NELL1: variants seen among roughly 807,000 people sequenced by gnomAD.
NELL1 encodes the protein neural EGFL like 1.
NELL1 carries 76 observed loss-of-function variants against 107.4 expected under a neutral mutation model. The observed-to-expected ratio is 0.71, with a 90% CI of 0.59 to 0.86. The LOEUF is 0.86. NELL1 is among the 40% of genes least tolerant of loss of function. The probability of loss-of-function intolerance (pLI) is 0.00; values close to 1 mark genes in which losing one functional copy is unlikely to be tolerated. For synonymous variants in NELL1, 353 were observed against 341.2 expected (o/e 1.03, Z -0.38); for missense variants, 1,024 against 1,005.5 (o/e 1.02, Z -0.25).
At chr11:21,146,258 T>G (rs1444611084) in intron 13 of NELL1, among the ~76,000 whole-genome samples, 2 of 144,166 alleles carry the variant, frequency 1.4e-5, no homozygotes, top group East Asian at 4.0e-4. Flanking sequence ...CCTGAATAGT[T>G]AAAAAAAAAA....
At position 20,745,030 on chromosome 11, in the gene NELL1, AC is replaced by A. The variant is rs1855972618; in HGVS notation, c.185-38647del. Reference sequence around the variant, plus strand: ...GAAGAAGCCTTCTCTCTACCACATTACCCTATTTTATCTTTTCCATCACCCT... The same window carrying A: ...GAAGAAGCCTTCTCTCTACCACATTACCTATTTTATCTTTTCCATCACCCT... On this transcript the variant is annotated intron_variant, in intron 2 of 19. Coordinates refer to ENST00000357134, the MANE Select transcript of NELL1 (RefSeq NM_006157.5). Among the ~76,000 whole-genome samples the A allele has an allele frequency of 3.3e-5, 5 of 152,072 alleles. No individual in the cohort carries two copies. In the South Asian group the frequency reaches 1.0e-3, roughly 32 times the overall value.
At chr11:21,574,826 T>A (rs1377736234) in intron 19 of NELL1, 146 bp from the exon 20 acceptor site, 1 of 650,422 alleles carries the variant, frequency 1.5e-6, no homozygotes, top group Non-Finnish European at 2.7e-6. Context: ...TCTAGTTTTT[T>A]TCCTAGCATT....
At chr11:20,892,741 C>T (rs1849642518) in intron 5 of NELL1, among the ~76,000 whole-genome samples, 1 of 152,114 alleles carries the variant, frequency 6.6e-6, no homozygotes. Context: ...CCAGCCTGAC[C>T]AACATGGTGA....
intron 14 of NELL1, among the ~76,000 whole-genome samples, chr11:21,289,483 G>C (rs1223970409): frequency 6.6e-6 from 1 of 152,218 alleles, no homozygotes; most frequent in Non-Finnish European, 1.5e-5. Context: ...TTCTGACCCA[G>C]ATACTATGCT....
intron 12 of NELL1, among the ~76,000 whole-genome samples, chr11:21,098,326 C>A (rs1001534543): frequency 6.6e-6 from 1 of 152,176 alleles, no homozygotes; most frequent in African/African-American, 2.4e-5. Flanking sequence ...CAGTTCCATG[C>A]ATATTTCGTA....
At chr11:20,981,344 G>C (rs992793833) in intron 12 of NELL1, among the ~76,000 whole-genome samples, 1 of 152,040 alleles carries the variant, frequency 6.6e-6, no homozygotes. Flanking sequence ...TAAGTCTGTT[G>C]GTATCTCAGG....
intron 12 of NELL1, among the ~76,000 whole-genome samples, chr11:20,980,270 AT>A (rs1308814969): frequency 6.6e-6 from 1 of 152,166 alleles, no homozygotes; most frequent in Non-Finnish European, 1.5e-5. Flanking sequence ...TACGTATATT[AT>A]TTTATTTAAT....
intron 2 of NELL1, among the ~76,000 whole-genome samples, chr11:20,692,625 G>C (rs960070751): frequency 4.6e-5 from 7 of 150,992 alleles, no homozygotes; most frequent in African/African-American, 1.7e-4. Flanking sequence ...CTGAGTTCTA[G>C]TTTGATTACA....
chr11:20,685,506 T>A (rs976736494), intron 2 of NELL1, among the ~76,000 whole-genome samples: 3 of 152,052 alleles, frequency 2.0e-5, no homozygotes, highest in African/African-American at 7.2e-5. Context: ...TCCTGTACTT[T>A]AAGGTTAATG....
At chr11:21,152,106 A>T (rs1179732628) in intron 13 of NELL1, among the ~76,000 whole-genome samples, 1 of 152,214 alleles carries the variant, frequency 6.6e-6, no homozygotes, top group Non-Finnish European at 1.5e-5. Flanking sequence ...TGGACAAATC[A>T]ACTTCTAATG....
intron 13 of NELL1, among the ~76,000 whole-genome samples, chr11:21,144,265 C>T (rs776497451): frequency 2.6e-5 from 4 of 152,140 alleles, no homozygotes; most frequent in African/African-American, 7.2e-5. Flanking sequence ...TATGGAACAC[C>T]TTAGGACAAG....
chr11:21,107,121 A>T (rs996811108), intron 12 of NELL1, among the ~76,000 whole-genome samples: 1 of 152,226 alleles, frequency 6.6e-6, no homozygotes, highest in Non-Finnish European at 1.5e-5. Context: ...CATTTGTTAC[A>T]ATTGATGGAC....
intron 12 of NELL1, among the ~76,000 whole-genome samples, chr11:20,972,784 T>G (rs970622355): frequency 1.3e-5 from 2 of 152,180 alleles, no homozygotes; most frequent in African/African-American, 4.8e-5. Context: ...TTTGTATTTC[T>G]GAAAAATCTT....
chr11:21,152,696 C>T lies in NELL1; in HGVS notation c.1426+38982C>T, dbSNP rs547167343. ...AGATGGTCTTTAAAATGAGAATTCC[C>T]TCATATGAGTTTCTTTTTAATTAAA... On this transcript the variant is annotated intron_variant, in intron 13 of 19. Coordinates refer to ENST00000357134, the MANE Select transcript of NELL1 (RefSeq NM_006157.5). 4.8e-4 allele frequency among the ~76,000 whole-genome samples: 73 copies of T among 152,190 alleles called. 1 individual carries two copies. The highest frequency in any genetic ancestry group is 1.7e-3 in the African/African-American group (70 of 41,534).
chr11:21,287,870 C>G (rs1849159695), intron 14 of NELL1, among the ~76,000 whole-genome samples: 1 of 151,938 alleles, frequency 6.6e-6, no homozygotes, highest in Non-Finnish European at 1.5e-5. Flanking sequence ...CCCTCGTTAA[C>G]TTTACTGTAC....
chr11:20,940,864 G>A lies in NELL1; in HGVS notation c.1071+3005G>A, dbSNP rs565882666. ...TAAAAATACCCACCTCCAGCCAGGC[G>A]TGGTGGCTTATGCCTGTAATCCCAG... is the stretch of plus-strand genomic sequence containing the variant. On this transcript the variant is annotated intron_variant, in intron 10 of 19. Coordinates refer to ENST00000357134, the MANE Select transcript of NELL1 (RefSeq NM_006157.5). Among the ~76,000 whole-genome samples, 99 of 152,180 alleles carry A rather than the reference G, an allele frequency of 6.5e-4. 1 individual carries two copies. Among genetic ancestry groups the A allele is most frequent in the Non-Finnish European group, 1.2e-3 (82 of 68,002 alleles).
At chr11:20,700,043 C>CATTT (rs34323228) in intron 2 of NELL1, among the ~76,000 whole-genome samples, 25 of 151,890 alleles carry the variant, frequency 1.6e-4, no homozygotes, top group Non-Finnish European at 2.1e-4. Flanking sequence ...GGACGTAGAA[C>CATTT]TTTTTTTTTA....
intron 4 of NELL1, among the ~76,000 whole-genome samples, chr11:20,883,958 A>T (rs1849456924): frequency 6.6e-6 from 1 of 152,238 alleles, no homozygotes; most frequent in African/African-American, 2.4e-5. Context: ...CTAAGATACA[A>T]AAAAGGTTAG....
At chr11:20,736,411 C>T (rs911099905) in intron 2 of NELL1, among the ~76,000 whole-genome samples, 6 of 152,088 alleles carry the variant, frequency 3.9e-5, no homozygotes, top group Admixed American at 6.5e-5. Flanking sequence ...TAGATGCCTA[C>T]GCTGCCCTCA....
Sources: allele counts gnomAD v4.1 joint callset (sites outside exome capture counted in the v4.1 genomes callset), GRCh38; gene constraint gnomAD v4.1.1; transcripts MANE v1.5; gene names NCBI Gene and HGNC (gene_info 2026-07-23, HGNC 2026-07-21).